The following PTPN14 variants were observed in gnomAD, a reference collection of about 807,000 sequenced individuals.
PTPN14 encodes tyrosine-protein phosphatase non-receptor type 14.
In PTPN14, 53 loss-of-function variants were observed where a neutral mutation model predicts 126.8. The ratio of observed to expected loss-of-function variants is 0.42; its 90% CI spans 0.34 to 0.53. The LOEUF (loss-of-function observed/expected upper bound fraction) is 0.53. Among genes scored for constraint, PTPN14 ranks in the 20% least tolerant of loss-of-function variants. PTPN14 has a pLI of 0.08. For synonymous variants in PTPN14, 630 were observed against 599.3 expected (o/e 1.05, Z -0.75); for missense variants, 1,257 against 1,552.9 (o/e 0.81, Z 3.20).
chr1:214,478,713 A>C (rs1660919466), intron 1 of PTPN14, among the ~76,000 whole-genome samples: 1 of 152,152 alleles, frequency 6.6e-6, no homozygotes, highest in Non-Finnish European at 1.5e-5. Context: ...AGTGTGCTAA[A>C]GACTTTTACG....
intron 16 of PTPN14, among the ~76,000 whole-genome samples, chr1:214,371,521 G>T (rs1658218181): frequency 6.6e-6 from 1 of 152,142 alleles, no homozygotes; most frequent in South Asian, 2.1e-4. Flanking sequence ...GGCACTTACT[G>T]CTATCTGCAC....
At chr1:214,427,824 G>A (rs1026741420) in intron 3 of PTPN14, among the ~76,000 whole-genome samples, 8 of 152,196 alleles carry the variant, frequency 5.3e-5, no homozygotes, top group African/African-American at 1.9e-4. Context: ...GATATTTGGG[G>A]GATGGAGGTT....
At position 214,351,026 on chromosome 1, in the gene PTPN14, T is replaced by C. The variant is rs1265336387; in HGVS notation, c.*6896A>G. On this transcript the variant is annotated 3_prime_UTR_variant, in exon 19 of 19. Transcript: ENST00000366956. The stretch of plus-strand genomic sequence containing the variant: ...TAGGGTAGGTAAAGAAAAGAAAAAG[T>C]GTACTGTTGAGAGTTGATCCATAAA... 2.0e-5 allele frequency: 3 copies of C among 151,578 alleles called. No individual in the cohort carries two copies. Among genetic ancestry groups the C allele is most frequent in the African/African-American group, 7.3e-5 (3 of 41,316 alleles). The allele number at this position is 151,578 out of a possible 1,614,324, so 9.4% of individuals were successfully genotyped here. A position where few individuals can be genotyped will look rare whatever the true frequency, so the allele number is the denominator to read the frequency against.
rs370940831 is a variant in PTPN14 at position 214,466,105 on chromosome 1, C to T, written c.-154-1148G>A. On this transcript the variant is annotated intron_variant, in intron 1 of 18. Coordinates refer to ENST00000366956, the MANE Select transcript of PTPN14 (RefSeq NM_005401.5). ...CCAAGTAGCTGGGATTACAGGCACC[C>T]GCCACCACACCTGGCTATTTTTTTA... Among the ~76,000 whole-genome samples, 36 of 151,032 alleles carry T rather than the reference C, an allele frequency of 2.4e-4. 1 individual carries two copies. The South Asian group carries it at 6.1e-3, about 26-fold the overall frequency.
At chr1:214,409,857 G>T (rs114424654) in intron 5 of PTPN14, among the ~76,000 whole-genome samples, 2,607 of 152,266 alleles carry the variant, frequency 0.017, 83 homozygotes, top group African/African-American at 0.059. Context: ...CAACAGGTAT[G>T]AGGTGGTGTT....
intron 1 of PTPN14, among the ~76,000 whole-genome samples, chr1:214,543,498 A>G (rs1655892589): frequency 6.6e-6 from 1 of 152,242 alleles, no homozygotes; most frequent in African/African-American, 2.4e-5. Context: ...AAAATTACAT[A>G]TAGTCATTAA....
intron 2 of PTPN14, among the ~76,000 whole-genome samples, chr1:214,462,377 A>G (rs1038606369): frequency 6.6e-6 from 1 of 152,176 alleles, no homozygotes; most frequent in African/African-American, 2.4e-5. Context: ...ACCTCCCACC[A>G]TTTGTTATAA....
intron 1 of PTPN14, among the ~76,000 whole-genome samples, chr1:214,465,356 T>A (rs1660611493): frequency 6.6e-6 from 1 of 152,154 alleles, no homozygotes; most frequent in Non-Finnish European, 1.5e-5. Context: ...ATGCCTGTAA[T>A]CCCAGCATTT....
At chr1:214,440,188 A>C (rs570901588) in intron 3 of PTPN14, among the ~76,000 whole-genome samples, 1 of 152,224 alleles carries the variant, frequency 6.6e-6, no homozygotes, top group Non-Finnish European at 1.5e-5. Context: ...CTATGGGCAG[A>C]GTCCCTTTAT....
At chr1:214,481,569 T>C (rs1472628347) in intron 1 of PTPN14, among the ~76,000 whole-genome samples, 2 of 150,206 alleles carry the variant, frequency 1.3e-5, no homozygotes, top group Non-Finnish European at 1.5e-5. Context: ...CTATTACATA[T>C]GATTTTTGAA....
intron 1 of PTPN14, among the ~76,000 whole-genome samples, chr1:214,512,132 C>A (rs1015765822): frequency 1.3e-5 from 2 of 152,056 alleles, no homozygotes; most frequent in African/African-American, 4.8e-5. Flanking sequence ...GCCCACACCC[C>A]CAACCATCTC....
At chr1:214,545,363 G>A (rs1655944613) in intron 1 of PTPN14, among the ~76,000 whole-genome samples, 1 of 152,138 alleles carries the variant, frequency 6.6e-6, no homozygotes, top group Non-Finnish European at 1.5e-5. Context: ...GGAAGGTAGA[G>A]GCAAGCACAG....
intron 14 of PTPN14, 114 bp downstream of exon 14, chr1:214,377,845 A>T: frequency 7.7e-7 from 1 of 1,291,364 alleles, no homozygotes; most frequent in South Asian, 1.4e-5. Flanking sequence ...CTAATCTCAG[A>T]TTGAAGAAAG....
chr1:214,349,517 C>G lies in PTPN14; in HGVS notation c.*8405G>C, dbSNP rs116350042. ...AAAGATCAAGGAAAGCATCAAAATA[C>G]TGAAGTAGGGAGCACAAGCCTAGTC... is the stretch of plus-strand genomic sequence containing the variant. On this transcript the variant is annotated 3_prime_UTR_variant, in exon 19 of 19. Coordinates refer to ENST00000366956, the MANE Select transcript of PTPN14 (RefSeq NM_005401.5). The G allele has an allele frequency of 2.4e-3, 371 of 152,280 alleles. 2 individuals carry two copies. Among genetic ancestry groups the G allele is most frequent in the African/African-American group, 8.6e-3 (357 of 41,552 alleles). 9.4% of individuals were successfully genotyped at this position (152,280 alleles called of 1,614,324 possible). A position where few individuals can be genotyped will look rare whatever the true frequency, so the allele number is the denominator to read the frequency against.
At chr1:214,360,897 T>G (rs906814544) in intron 18 of PTPN14, among the ~76,000 whole-genome samples, 8 of 152,158 alleles carry the variant, frequency 5.3e-5, no homozygotes, top group African/African-American at 1.4e-4. Flanking sequence ...TGGGGGCAGA[T>G]TTCCCTCTTG....
chr1:214,456,147 CAGT>C (rs1168501713), intron 2 of PTPN14, among the ~76,000 whole-genome samples: 7 of 152,104 alleles, frequency 4.6e-5, no homozygotes, highest in African/African-American at 1.7e-4. Context: ...GGTTTAGATG[CAGT>C]CTTGGCAATT....
At chr1:214,377,057 G>A (rs956807676) in intron 14 of PTPN14, among the ~76,000 whole-genome samples, 6 of 152,054 alleles carry the variant, frequency 3.9e-5, no homozygotes, top group African/African-American at 1.2e-4. Context: ...ACCTTTCTTC[G>A]CTTCTGAAAC....
chr1:214,535,576 G>A (rs1436205328), intron 1 of PTPN14, among the ~76,000 whole-genome samples: 1 of 152,108 alleles, frequency 6.6e-6, no homozygotes, highest in Non-Finnish European at 1.5e-5. Flanking sequence ...TCAGAAATTG[G>A]AGACCAGCCT....
chr1:214,464,956 A>G lies in PTPN14; in HGVS notation c.-153T>C. The stretch of plus-strand genomic sequence containing the variant: ...TGCCCAGTGTGGCCCTCTGGAAGAT[A>G]GCTGTAAATGCAAAAGAAATGCCAT... On this transcript the variant is annotated splice_region_variant and 5_prime_UTR_variant, in exon 2 of 19. Transcript: ENST00000366956. 1 of 901,360 alleles carries G rather than the reference A, an allele frequency of 1.1e-6. No individual in the cohort carries two copies. Among genetic ancestry groups the G allele is most frequent in the East Asian group, 2.7e-5 (1 of 36,530 alleles). The allele number at this position is 901,360 out of a possible 1,614,324, so 55.8% of individuals were successfully genotyped here.
Sources: allele counts gnomAD v4.1 joint callset (sites outside exome capture counted in the v4.1 genomes callset), GRCh38; gene constraint gnomAD v4.1.1; transcripts MANE v1.5; gene names NCBI Gene and HGNC (gene_info 2026-07-23, HGNC 2026-07-21).